RNF150: variants seen among roughly 807,000 people sequenced by gnomAD.
RNF150 encodes the protein ring finger protein 150.
In RNF150, 24 loss-of-function variants were observed where a neutral mutation model predicts 39.3. The observed-to-expected ratio is 0.61, with a 90% CI of 0.44 to 0.86. RNF150 has a LOEUF of 0.86. Ranked by LOEUF, RNF150 falls within the 40% of genes least tolerant of loss-of-function variation. The probability of loss-of-function intolerance (pLI) is 0.00; values close to 1 mark genes in which losing one functional copy is unlikely to be tolerated. For missense variants in RNF150, 502 were observed against 587.8 expected, an observed-to-expected ratio of 0.85 and a Z score of 1.51; for synonymous variants, 255 against 227.3, an observed-to-expected ratio of 1.12 and a Z score of -1.10.
At chr4:141,211,960 A>G (rs1474027033) in intron 1 of RNF150, among the ~76,000 whole-genome samples, 2 of 152,226 alleles carry the variant, frequency 1.3e-5, no homozygotes, top group Non-Finnish European at 2.9e-5. Context: ...TAAATAGAAG[A>G]GGAAACTAGA....
chr4:141,170,696 C>T lies in RNF150; in HGVS notation c.-6+42098G>A, dbSNP rs771301174. ...AGTCTACCGTTCAGAGATATTAAAA[C>T]GGCCAATAAACAATCTCATTTTGGA... is the stretch of plus-strand genomic sequence containing the variant. On this transcript the variant is annotated intron_variant, in intron 1 of 7. Coordinates refer to the RNF150 transcript ENST00000420921. Among the ~76,000 whole-genome samples the T allele has an allele frequency of 4.2e-4, 64 of 152,148 alleles. 1 individual carries two copies. Among genetic ancestry groups the T allele is most frequent in the South Asian group, 2.5e-3 (12 of 4,818 alleles).
chr4:141,181,597 C>T (rs80122808), intron 1 of RNF150, among the ~76,000 whole-genome samples: 1,718 of 152,290 alleles, frequency 0.011, 38 homozygotes, highest in African/African-American at 0.038. Context: ...TACTGACTTA[C>T]TCAATGACAC....
At chr4:141,142,503 T>C (rs1425186364) in intron 1 of RNF150, among the ~76,000 whole-genome samples, 2 of 152,236 alleles carry the variant, frequency 1.3e-5, no homozygotes, top group Non-Finnish European at 2.9e-5. Context: ...TCCCTTTTTA[T>C]AGCAAAACTT....
At chr4:141,073,064 C>T (rs906308418) in intron 1 of RNF150, among the ~76,000 whole-genome samples, 4 of 151,902 alleles carry the variant, frequency 2.6e-5, no homozygotes, top group Non-Finnish European at 5.9e-5. Flanking sequence ...TATTTAGTCA[C>T]GGCACCACGG....
intron 2 of RNF150, among the ~76,000 whole-genome samples, chr4:140,952,059 G>A (rs984650635): frequency 6.6e-6 from 1 of 152,066 alleles, no homozygotes. Flanking sequence ...ACCCAGGCTG[G>A]AGTGCAGTGG....
rs35925074 is a variant in RNF150, at chr4:140,982,515, C to CTTT, written c.485-14645_485-14643dup. ...GAATTAATGAAGTATGTAGCACAGACTTTTTTTTTTTTTTTTTGGTGAGAA... is the reference window on the plus strand; with the variant it reads ...GAATTAATGAAGTATGTAGCACAGACTTTTTTTTTTTTTTTTTTTTGGTGAGAA... On this transcript the variant is annotated intron_variant, in intron 1 of 6. Transcript: ENST00000515673. 6.0e-5 allele frequency among the ~76,000 whole-genome samples: 8 copies of CTTT among 132,910 alleles called. 1 individual carries two copies. The highest frequency in any genetic ancestry group is 2.4e-4 in the South Asian group (1 of 4,146). 87.2% of individuals were successfully genotyped at this position (132,910 alleles called of 152,430 possible).
intron 1 of RNF150, among the ~76,000 whole-genome samples, chr4:141,073,690 C>T (rs751082533): frequency 4.6e-5 from 7 of 151,780 alleles, no homozygotes; most frequent in Non-Finnish European, 8.8e-5. Flanking sequence ...GGAAAAATGG[C>T]AGGCAAGTAT....
intron 1 of RNF150, among the ~76,000 whole-genome samples, chr4:141,029,913 C>T (rs1005604840): frequency 2.6e-5 from 4 of 152,142 alleles, no homozygotes; most frequent in East Asian, 1.9e-4. Context: ...AAAGAGATGC[C>T]TGGCCAGGCG....
intron 1 of RNF150, among the ~76,000 whole-genome samples, chr4:141,082,780 G>C (rs970244089): frequency 6.6e-6 from 1 of 151,818 alleles, no homozygotes; most frequent in Non-Finnish European, 1.5e-5. Flanking sequence ...AGTAGAGACG[G>C]GGTTTCACCG....
chr4:141,179,068 A>C (rs907554903), intron 1 of RNF150, among the ~76,000 whole-genome samples: 1 of 152,086 alleles, frequency 6.6e-6, no homozygotes, highest in African/African-American at 2.4e-5. Context: ...AATATATGTA[A>C]ATGTAGAAGA....
At chr4:141,171,662 A>G (rs1727727179) in intron 1 of RNF150, among the ~76,000 whole-genome samples, 1 of 152,218 alleles carries the variant, frequency 6.6e-6, no homozygotes, top group East Asian at 1.9e-4. Context: ...AATGTACTAC[A>G]ATGTATCCAT....
chr4:140,922,508 T>A (rs1437164121), intron 5 of RNF150, among the ~76,000 whole-genome samples: 1 of 151,970 alleles, frequency 6.6e-6, no homozygotes, highest in Admixed American at 6.6e-5. Context: ...TGCTCATAGA[T>A]AGGAAGAATC....
chr4:140,928,359 C>A (rs556530891), intron 4 of RNF150, among the ~76,000 whole-genome samples: 1 of 147,696 alleles, frequency 6.8e-6, no homozygotes, highest in African/African-American at 2.5e-5. Flanking sequence ...GTACATGGGT[C>A]ATGGTTTACA....
At chr4:140,986,852 T>C (rs1457113442) in intron 1 of RNF150, among the ~76,000 whole-genome samples, 1 of 152,092 alleles carries the variant, frequency 6.6e-6, no homozygotes, top group African/African-American at 2.4e-5. Context: ...AGTGATGTTA[T>C]GATTACATAC....
chr4:141,172,731 A>C (rs1345219628), intron 1 of RNF150, among the ~76,000 whole-genome samples: 1 of 152,192 alleles, frequency 6.6e-6, no homozygotes, highest in Non-Finnish European at 1.5e-5. Flanking sequence ...TAATTTATGA[A>C]AACTAGGATA....
chr4:140,894,348 G>A (rs1729862819), intron 6 of RNF150, among the ~76,000 whole-genome samples: 2 of 152,158 alleles, frequency 1.3e-5, no homozygotes, highest in African/African-American at 4.8e-5. Flanking sequence ...TCTTCAGAGT[G>A]TTTTATGATG....
chr4:140,903,157 G>C (rs1295261319), intron 6 of RNF150, among the ~76,000 whole-genome samples: 1 of 152,158 alleles, frequency 6.6e-6, no homozygotes, highest in East Asian at 1.9e-4. Flanking sequence ...ACTTGTTCAA[G>C]GTCACACAGC....
chr4:141,061,671 G>C (rs1737235108), intron 1 of RNF150, among the ~76,000 whole-genome samples: 1 of 152,112 alleles, frequency 6.6e-6, no homozygotes, highest in African/African-American at 2.4e-5. Flanking sequence ...TCTTATCTTT[G>C]CTTCCAAGGA....
At chr4:141,193,758 G>A (rs1057436399) in intron 1 of RNF150, among the ~76,000 whole-genome samples, 1 of 152,216 alleles carries the variant, frequency 6.6e-6, no homozygotes, top group African/African-American at 2.4e-5. Flanking sequence ...AAATCTTCCA[G>A]AAGGACACAG....
Sources: allele counts gnomAD v4.1 joint callset (sites outside exome capture counted in the v4.1 genomes callset), GRCh38; gene constraint gnomAD v4.1.1; transcripts MANE v1.5; gene names NCBI Gene and HGNC (gene_info 2026-07-23, HGNC 2026-07-21).